The following PCDHA11 variants were observed in gnomAD, a reference collection of about 807,000 sequenced individuals.
The protein encoded by PCDHA11 is protocadherin alpha-11.
Under a neutral mutation model 70.3 loss-of-function variants are expected in PCDHA11, and 61 were observed. The observed-to-expected ratio is 0.87, with a 90% CI of 0.71 to 1.07. The LOEUF is 1.07. Ranked by LOEUF, PCDHA11 falls within the 50% of genes least tolerant of loss-of-function variation. The probability of loss-of-function intolerance (pLI) is 0.00; values close to 1 mark genes in which losing one functional copy is unlikely to be tolerated. For missense variants in PCDHA11, 1,324 were observed against 1,237.5 expected, an observed-to-expected ratio of 1.07 and a Z score of -1.05; for synonymous variants, 633 against 555.1, an observed-to-expected ratio of 1.14 and a Z score of -1.97.
At chr5:140,994,998 G>A (rs2097659261) in intron 3 of PCDHA11, among the ~76,000 whole-genome samples, 1 of 152,150 alleles carries the variant, frequency 6.6e-6, no homozygotes, top group African/African-American at 2.4e-5. Context: ...AGGTTAGTTG[G>A]TTTGTTTATA....
chr5:140,974,661 G>A (rs542677478), intron 1 of PCDHA11, among the ~76,000 whole-genome samples: 4 of 152,066 alleles, frequency 2.6e-5, no homozygotes, highest in South Asian at 4.2e-4. Context: ...ACAGGCATGC[G>A]CCACCATGCC....
rs35184029 is a variant in PCDHA11 at position 140,997,668 on chromosome 5, TTGTGTG to T, written c.2540-11935_2540-11930del. Among the ~76,000 whole-genome samples the T allele has an allele frequency of 3.7e-4, 55 of 148,336 alleles. 1 individual carries two copies. The South Asian group carries it at 5.8e-3, about 16-fold the overall frequency. On this transcript the variant is annotated intron_variant, in intron 3 of 3. Coordinates refer to ENST00000398640, the MANE Select transcript of PCDHA11 (RefSeq NM_018902.5). ...AATGCAATATGTATTATTATACAGC[TTGTGTG>T]TGTGTGTGTGTGTGTGTGTGTGTAT...
chr5:140,919,694 ATTAAC>A (rs1313954013), intron 1 of PCDHA11, among the ~76,000 whole-genome samples: 5 of 152,200 alleles, frequency 3.3e-5, no homozygotes, highest in Non-Finnish European at 7.3e-5. Context: ...TCAGATTTAT[ATTAAC>A]TTAATTCTAG....
At chr5:140,956,381 G>T (rs1380347643) in intron 1 of PCDHA11, among the ~76,000 whole-genome samples, 2 of 152,090 alleles carry the variant, frequency 1.3e-5, no homozygotes, top group African/African-American at 4.8e-5. Context: ...TTTTATCGAA[G>T]GCCTTTTCTG....
chr5:140,899,788 C>T (rs1260643506), intron 1 of PCDHA11, among the ~76,000 whole-genome samples: 3 of 152,054 alleles, frequency 2.0e-5, no homozygotes, highest in Admixed American at 6.6e-5. Context: ...TGGTATAATT[C>T]GGCTGTGAAT....
chr5:140,936,448 T>A (rs1477787930), intron 1 of PCDHA11, among the ~76,000 whole-genome samples: 1 of 152,210 alleles, frequency 6.6e-6, no homozygotes, highest in Non-Finnish European at 1.5e-5. Context: ...AATAACCACA[T>A]CTGTTTAGTG....
Position 141,010,486 on chromosome 5 carries a change from A to C in PCDHA11, c.*549A>C. 1 of 674,072 alleles carries C rather than the reference A, an allele frequency of 1.5e-6. No individual in the cohort carries two copies. Among genetic ancestry groups the C allele is most frequent in the Non-Finnish European group, 2.3e-6 (1 of 434,544 alleles). The allele number at this position is 674,072 out of a possible 1,614,324, so 41.8% of individuals were successfully genotyped here. On this transcript the variant is annotated 3_prime_UTR_variant, in exon 4 of 4. Transcript: ENST00000398640. ...GTATGGAGGGGAAGTGTAAACTTAAAGGGACCAGACTTTCTAAATCTTACA... is the reference window on the plus strand; with the variant it reads ...GTATGGAGGGGAAGTGTAAACTTAACGGGACCAGACTTTCTAAATCTTACA...
At chr5:140,874,144 T>C (rs1554167057) in intron 1 of PCDHA11, among the ~76,000 whole-genome samples, 2 of 152,244 alleles carry the variant, frequency 1.3e-5, no homozygotes. Context: ...CTTATACTTG[T>C]AGAGCCATTC....
chr5:140,982,221 A>T, intron 2 of PCDHA11: 1 of 546,340 alleles, frequency 1.8e-6, no homozygotes. Flanking sequence ...ACATGGCGTT[A>T]ATAAAAAACA....
intron 1 of PCDHA11, among the ~76,000 whole-genome samples, chr5:140,963,912 A>C (rs2095797972): frequency 6.6e-6 from 1 of 152,246 alleles, no homozygotes. Flanking sequence ...AGTGAAGCTT[A>C]GGCTAAGTAA....
At chr5:140,927,165 T>A in intron 1 of PCDHA11, 1 of 1,614,164 alleles carries the variant, frequency 6.2e-7, no homozygotes, top group Non-Finnish European at 8.5e-7. Context: ...GGGCCAAAGC[T>A]GCCTGCGTCT....
At chr5:140,927,592 G>A in intron 1 of PCDHA11, 5 of 1,614,170 alleles carry the variant, frequency 3.1e-6, no homozygotes, top group Non-Finnish European at 4.2e-6. Context: ...GCCTGTATTT[G>A]AGCGCTCCGT....
At chr5:140,998,274 T>C (rs2097804171) in intron 3 of PCDHA11, among the ~76,000 whole-genome samples, 1 of 152,162 alleles carries the variant, frequency 6.6e-6, no homozygotes, top group African/African-American at 2.4e-5. Flanking sequence ...CTGACACCCA[T>C]AGGATTAAAT....
chr5:140,916,165 G>A (rs567070534), intron 1 of PCDHA11, among the ~76,000 whole-genome samples: 1 of 152,224 alleles, frequency 6.6e-6, no homozygotes, highest in East Asian at 1.9e-4. Context: ...AATGCTGCCA[G>A]GCCTGGGACT....
At chr5:140,944,060 T>G in intron 1 of PCDHA11, among the ~76,000 whole-genome samples, 1 of 152,204 alleles carries the variant, frequency 6.6e-6, no homozygotes, top group Non-Finnish European at 1.5e-5. Flanking sequence ...ACAAAAAGGT[T>G]TCTTGTTAAA....
At chr5:140,994,125 C>T (rs1007264886) in intron 3 of PCDHA11, among the ~76,000 whole-genome samples, 6 of 152,044 alleles carry the variant, frequency 3.9e-5, no homozygotes, top group African/African-American at 9.7e-5. Flanking sequence ...GTGATAAGGG[C>T]GACAATAATG....
intron 1 of PCDHA11, among the ~76,000 whole-genome samples, chr5:140,872,206 T>A (rs2053543474): frequency 1.3e-5 from 2 of 152,340 alleles, no homozygotes; most frequent in Middle Eastern, 6.8e-3. Flanking sequence ...CATAAATTCA[T>A]TATATATGAA....
intron 1 of PCDHA11, among the ~76,000 whole-genome samples, chr5:140,951,285 A>T (rs1267785922): frequency 6.6e-6 from 1 of 152,100 alleles, no homozygotes; most frequent in East Asian, 1.9e-4. Context: ...GTAATTTTGG[A>T]TTATATCTTG....
chr5:140,898,547 A>C (rs1337213913), intron 1 of PCDHA11, among the ~76,000 whole-genome samples: 3 of 152,078 alleles, frequency 2.0e-5, no homozygotes, highest in Non-Finnish European at 4.4e-5. Flanking sequence ...CCATTTATCT[A>C]TGTCTCTGTT....
Sources: allele counts gnomAD v4.1 joint callset (sites outside exome capture counted in the v4.1 genomes callset), GRCh38; gene constraint gnomAD v4.1.1; transcripts MANE v1.5; gene names NCBI Gene and HGNC (gene_info 2026-07-23, HGNC 2026-07-21).